Variants in UBE3A observed in about 807,000 individuals in gnomAD.
The protein encoded by UBE3A is ubiquitin-protein ligase E3A.
UBE3A carries 6 observed loss-of-function variants against 83.4 expected under a neutral mutation model. The observed-to-expected ratio is 0.07, with a 90% CI of 0.04 to 0.14. UBE3A has a LOEUF of 0.14. Ranked by LOEUF, UBE3A falls within the 10% of genes least tolerant of loss-of-function variation. UBE3A has a pLI of 1.00. For missense variants in UBE3A, 456 were observed against 1,036.1 expected (o/e 0.44, Z 7.69); for synonymous variants, 337 against 355.4 (o/e 0.95, Z 0.58).
chr15:25,406,471 C>A (rs1370368609), intron 3 of UBE3A, among the ~76,000 whole-genome samples: 7 of 151,958 alleles, frequency 4.6e-5, no homozygotes, highest in Non-Finnish European at 1.0e-4. Context: ...ATCAGTATTT[C>A]CCTATCTATT....
At chr15:25,404,399 T>G (rs942075938) in intron 4 of UBE3A, among the ~76,000 whole-genome samples, 1 of 152,172 alleles carries the variant, frequency 6.6e-6, no homozygotes, top group African/African-American at 2.4e-5. Flanking sequence ...GTATGAGAGA[T>G]ACACCTGTAT....
At chr15:25,356,970 C>T in intron 7 of UBE3A, 74 bp from the exon 8 acceptor site, 1 of 1,278,548 alleles carries the variant, frequency 7.8e-7, no homozygotes. Context: ...CAAATATAAA[C>T]TTAAAATAAT....
rs1362770360 is a variant in UBE3A, at chr15:25,335,098, GAA to G, written c.*4037_*4038del. The G allele has an allele frequency of 6.6e-6, 1 of 152,104 alleles. No homozygotes were observed. Among genetic ancestry groups the G allele is most frequent in the Non-Finnish European group, 1.5e-5 (1 of 68,022 alleles). 9.4% of individuals were successfully genotyped at this position (152,104 alleles called of 1,614,324 possible). On this transcript the variant is annotated 3_prime_UTR_variant, in exon 13 of 13. Transcript: ENST00000648336. ...AAGAAAATTCCTTAACTGAAATGTG[GAA>G]AGAGTATCAAGAGGAGACCCTAAGA...
chr15:25,411,093 G>A lies in UBE3A; in HGVS notation c.-101+815C>T, dbSNP rs527920734. ...TCCAGTCCCCTCTTTTATGAGATCCGGTGCTCAAAAGGCTCCAAGGCCAGG... is the reference window on the plus strand; with the variant it reads ...TCCAGTCCCCTCTTTTATGAGATCCAGTGCTCAAAAGGCTCCAAGGCCAGG... On this transcript the variant is annotated intron_variant, in intron 2 of 12. Transcript: ENST00000648336. Among the ~76,000 whole-genome samples, 5 of 152,232 alleles carry A rather than the reference G, an allele frequency of 3.3e-5. No homozygotes were observed. The East Asian group carries it at 5.8e-4, about 18-fold the overall frequency.
intron 6 of UBE3A, among the ~76,000 whole-genome samples, chr15:25,367,270 T>G (rs904053001): frequency 7.6e-6 from 1 of 131,068 alleles, no homozygotes; most frequent in African/African-American, 2.7e-5. Flanking sequence ...AATATGTAAA[T>G]ATTTACATAT....
intron 4 of UBE3A, among the ~76,000 whole-genome samples, chr15:25,380,901 G>C (rs2082064580): frequency 1.3e-5 from 2 of 152,142 alleles, no homozygotes; most frequent in Admixed American, 1.3e-4. Flanking sequence ...ATTTAAAACA[G>C]ACAATACTTT....
chr15:25,391,888 T>C (rs971161757), intron 4 of UBE3A: 1 of 152,228 alleles, frequency 6.6e-6, no homozygotes, highest in African/African-American at 2.4e-5. Flanking sequence ...TGAACATTAC[T>C]GTAGATAAAA....
intron 6 of UBE3A, among the ~76,000 whole-genome samples, chr15:25,366,065 A>G (rs2079051953): frequency 1.3e-5 from 2 of 152,100 alleles, no homozygotes; most frequent in Non-Finnish European, 2.9e-5. Flanking sequence ...TTGATGTTTC[A>G]TTGTCTTAAA....
At chr15:25,381,966 T>TAAATATGA (rs1487990452) in intron 4 of UBE3A, among the ~76,000 whole-genome samples, 3 of 151,952 alleles carry the variant, frequency 2.0e-5, no homozygotes, top group Non-Finnish European at 4.4e-5. Context: ...CATGAAAAAA[T>TAAATATGA]AAATATGAAC....
At chr15:25,342,517 C>CAT (rs57478621) in intron 11 of UBE3A, among the ~76,000 whole-genome samples, 9,484 of 152,126 alleles carry the variant, frequency 0.062, 731 homozygotes, top group African/African-American at 0.18. Flanking sequence ...AACAAGAATG[C>CAT]ATATATTTAG....
At chr15:25,380,158 G>T (rs2081937752) in intron 4 of UBE3A, among the ~76,000 whole-genome samples, 2 of 152,066 alleles carry the variant, frequency 1.3e-5, no homozygotes, top group South Asian at 4.1e-4. Flanking sequence ...TCTTGTCACT[G>T]CCATGCAAGA....
intron 6 of UBE3A, among the ~76,000 whole-genome samples, chr15:25,360,818 T>A (rs2077948090): frequency 7.4e-6 from 1 of 135,018 alleles, no homozygotes; most frequent in Admixed American, 7.0e-5. Flanking sequence ...GTGTGTTAAG[T>A]CTGGACTACA....
In UBE3A at chr15:25,358,514, G is replaced by A. The variant is rs1468192288; in HGVS notation, c.1754-1618C>T. On this transcript the variant is annotated intron_variant, in intron 7 of 12. Transcript: ENST00000648336. ...TTGAATTTAAATCATTTTACTACATGTTTAGTTGCTACTGTGAAACAATGA... is the reference window on the plus strand; with the variant it reads ...TTGAATTTAAATCATTTTACTACATATTTAGTTGCTACTGTGAAACAATGA... 2.6e-5 allele frequency among the ~76,000 whole-genome samples: 4 copies of A among 152,076 alleles called. No individual in the cohort carries two copies. The East Asian group carries it at 7.7e-4, about 29-fold the overall frequency.
At chr15:25,417,492 G>GA (rs1887493515) in intron 1 of UBE3A, among the ~76,000 whole-genome samples, 2 of 151,796 alleles carry the variant, frequency 1.3e-5, no homozygotes, top group Middle Eastern at 3.4e-3. Flanking sequence ...ATGACCAAGA[G>GA]AAAAAACCAA....
intron 3 of UBE3A, chr15:25,407,399 G>T (rs1436421143): frequency 4.2e-6 from 2 of 476,560 alleles, no homozygotes; most frequent in Non-Finnish European, 5.7e-6. Flanking sequence ...AAAAAGGTAA[G>T]ACACAAGAAG....
At chr15:25,348,372 GA>G (rs1175022572) in intron 11 of UBE3A, among the ~76,000 whole-genome samples, 1 of 152,092 alleles carries the variant, frequency 6.6e-6, no homozygotes, top group African/African-American at 2.4e-5. Context: ...TAATCCCAGA[GA>G]AATACAAACT....
chr15:25,422,545 A>C (rs996408922), intron 1 of UBE3A, among the ~76,000 whole-genome samples: 1 of 152,166 alleles, frequency 6.6e-6, no homozygotes, highest in African/African-American at 2.4e-5. Context: ...TAAAAGGTAG[A>C]TATAATTCCC....
chr15:25,349,399 A>AT (rs2076179923), intron 11 of UBE3A, among the ~76,000 whole-genome samples: 1 of 152,192 alleles, frequency 6.6e-6, no homozygotes, highest in Non-Finnish European at 1.5e-5. Flanking sequence ...GAAAAAATAA[A>AT]TTAGACCTCA....
intron 11 of UBE3A, among the ~76,000 whole-genome samples, chr15:25,352,920 G>A (rs747803644): frequency 3.9e-5 from 6 of 152,088 alleles, no homozygotes; most frequent in Non-Finnish European, 8.8e-5. Flanking sequence ...TACATACCAA[G>A]TAGGGATTAT....
Sources: allele counts gnomAD v4.1 joint callset (sites outside exome capture counted in the v4.1 genomes callset), GRCh38; gene constraint gnomAD v4.1.1; transcripts MANE v1.5; gene names NCBI Gene and HGNC (gene_info 2026-07-23, HGNC 2026-07-21).